The following FBRSL1 variants were observed in gnomAD, a reference collection of about 807,000 sequenced individuals.
The protein encoded by FBRSL1 is fibrosin-1-like protein.
Under a neutral mutation model 89.6 loss-of-function variants are expected in FBRSL1, and 51 were observed. That is an observed-to-expected ratio of 0.57 (90% CI 0.45 to 0.72). The LOEUF is 0.72. FBRSL1 is among the 30% of genes least tolerant of loss of function. The pLI, the probability that FBRSL1 is intolerant of heterozygous loss-of-function variation, is 0.00. For synonymous variants in FBRSL1, 779 were observed against 681.1 expected (o/e 1.14, Z -2.24); for missense variants, 1,618 against 1,451.8 (o/e 1.11, Z -1.86).
chr12:132,535,200 C>T (rs570034146), intron 4 of FBRSL1, among the ~76,000 whole-genome samples: 10 of 152,374 alleles, frequency 6.6e-5, no homozygotes, highest in South Asian at 4.1e-4. Context: ...AGGCAGTTAG[C>T]ACTTTGAGCC....
chr12:132,581,300 C>T, intron 15 of FBRSL1, 139 bp from the exon 16 acceptor site: 1 of 1,518,860 alleles, frequency 6.6e-7, no homozygotes, highest in Admixed American at 2.2e-5. Flanking sequence ...ACTGGACACG[C>T]TTCACCCCTC....
chr12:132,576,850 T>C lies in FBRSL1; in HGVS notation c.1753T>C (p.Phe585Leu). The C allele has an allele frequency of 1.9e-6, 3 of 1,551,046 alleles. No homozygotes were observed. The highest frequency in any genetic ancestry group is 1.7e-6 in the Non-Finnish European group (2 of 1,146,922). Residue 585 changes from phenylalanine (F) to leucine (L), a missense_variant, in exon 15 of 19, where the codon TTC (phenylalanine) becomes CTC (leucine). Transcript: ENST00000680143. ...KLEVGAKLDL[F>L]GRPPAPGVFA... ...GGAGGTGGGTGCAAAGCTGGACCTG[T>C]TCGGCAGACCCCCTGCCCCGGGCGT...
intron 3 of FBRSL1, 91 bp from the exon 4 acceptor site, chr12:132,527,862 G>A: frequency 8.0e-7 from 1 of 1,253,630 alleles, no homozygotes; most frequent in Non-Finnish European, 1.1e-6. Context: ...CAGGGCTAAG[G>A]GCTGAGGGCT....
chr12:132,564,845 G>A (rs1438959922), intron 5 of FBRSL1, among the ~76,000 whole-genome samples: 5 of 151,558 alleles, frequency 3.3e-5, no homozygotes, highest in Admixed American at 6.6e-5. Flanking sequence ...TGGCCAGGAT[G>A]GTCTCGATCT....
At chr12:132,541,125 C>T (rs538793966) in intron 4 of FBRSL1, among the ~76,000 whole-genome samples, 136 of 148,638 alleles carry the variant, frequency 9.1e-4, no homozygotes, top group Middle Eastern at 3.7e-3. Context: ...ATCCCTACCC[C>T]GAGGCATGTC....
intron 4 of FBRSL1, among the ~76,000 whole-genome samples, chr12:132,539,344 C>G (rs2037027340): frequency 1.3e-5 from 2 of 151,354 alleles, no homozygotes; most frequent in South Asian, 4.2e-4. Context: ...TGCCCTCCAG[C>G]CCGATGCCCA....
At chr12:132,527,015 G>C (rs1170387784) in intron 3 of FBRSL1, among the ~76,000 whole-genome samples, 1 of 152,162 alleles carries the variant, frequency 6.6e-6, no homozygotes, top group Non-Finnish European at 1.5e-5. Flanking sequence ...CCCCACCAGA[G>C]GTGTGGGGGG....
At chr12:132,513,513 C>A (rs1299927615) in intron 2 of FBRSL1, among the ~76,000 whole-genome samples, 1 of 152,186 alleles carries the variant, frequency 6.6e-6, no homozygotes, top group Non-Finnish European at 1.5e-5. Flanking sequence ...GAGACTGGGG[C>A]CTGCGTGCAG....
intron 2 of FBRSL1, among the ~76,000 whole-genome samples, chr12:132,517,830 C>T (rs1011437663): frequency 2.0e-5 from 3 of 152,048 alleles, no homozygotes; most frequent in Non-Finnish European, 4.4e-5. Context: ...GGAGGCAGCA[C>T]GGTTGTGGGG....
chr12:132,524,892 G>A (rs2035659020), intron 2 of FBRSL1, among the ~76,000 whole-genome samples: 1 of 152,186 alleles, frequency 6.6e-6, no homozygotes, highest in Non-Finnish European at 1.5e-5. Context: ...TCCCTGCATG[G>A]TCACTTAACC....
intron 5 of FBRSL1, chr12:132,565,532 T>TATACGTACCCGACCCGAGTGTGCTCAC (rs1248376334): frequency 1.3e-5 from 2 of 151,514 alleles, no homozygotes; most frequent in South Asian, 4.2e-4. Context: ...AGTGTGCTCA[T>TATACGTACCCGACCCGAGTGTGCTCAC]GTACACGTAC....
chr12:132,509,455 C>G (rs1041613446), intron 2 of FBRSL1: 1 of 1,239,648 alleles, frequency 8.1e-7, no homozygotes, highest in Non-Finnish European at 1.0e-6. Context: ...CTCCTTCCAT[C>G]CCCAGATCAG....
At chr12:132,556,069 C>G (rs898301893) in intron 5 of FBRSL1, among the ~76,000 whole-genome samples, 1 of 152,218 alleles carries the variant, frequency 6.6e-6, no homozygotes, top group Non-Finnish European at 1.5e-5. Context: ...GCCTTCTGCA[C>G]TTTCCCTGGG....
Position 132,572,356 on chromosome 12 carries a change from C to T in FBRSL1, c.1434+12C>T, listed in dbSNP as rs768883160. On this transcript the variant is annotated intron_variant, in intron 10 of 18. Coordinates refer to ENST00000680143, the MANE Select transcript of FBRSL1 (RefSeq NM_001367871.1). ...ATTCCAGCGTGAGTGTGAGTGTCCC[C>T]GAGGGGCCCGGCGCGTGTCGCTGTG... The T allele has an allele frequency of 1.1e-5, 17 of 1,550,680 alleles. No homozygotes were observed. The highest frequency in any genetic ancestry group is 7.8e-5 in the Admixed American group (4 of 50,958).
intron 5 of FBRSL1, chr12:132,566,072 G>A (rs943711694): frequency 2.0e-5 from 3 of 152,152 alleles, no homozygotes; most frequent in Non-Finnish European, 4.4e-5. Context: ...TCAAGTCTTA[G>A]TCCGTGCGGG....
chr12:132,570,319 GC>G lies in FBRSL1; in HGVS notation c.1008-12del, dbSNP rs1245116949. 4 of 1,526,682 alleles carry G rather than the reference GC, an allele frequency of 2.6e-6. No individual in the cohort carries two copies. The Admixed American group carries it at 7.9e-5, about 30-fold the overall frequency. 94.6% of individuals were successfully genotyped at this position (1,526,682 alleles called of 1,614,324 possible). On this transcript the variant is annotated splice_polypyrimidine_tract_variant and intron_variant, in intron 7 of 18. Coordinates refer to ENST00000680143, the MANE Select transcript of FBRSL1 (RefSeq NM_001367871.1). ...CAGGGGTCGGGCTGGCAGGCACTGA[GC>G]CCCGTGTCCCGCAGCAGGAGCAGCA...
chr12:132,494,632 T>C (rs532413910), intron 1 of FBRSL1, among the ~76,000 whole-genome samples: 1 of 152,390 alleles, frequency 6.6e-6, no homozygotes, highest in Non-Finnish European at 1.5e-5. Flanking sequence ...CATTCTGGTT[T>C]GGTGTCTGTG....
In FBRSL1 at chr12:132,499,561, G is replaced by T. The variant is rs562620633; in HGVS notation, c.292-8592G>T. On this transcript the variant is annotated intron_variant, in intron 1 of 18. Coordinates refer to ENST00000680143, the MANE Select transcript of FBRSL1 (RefSeq NM_001367871.1). The surrounding 1 kb of genome is among the most constrained non-coding windows in gnomAD (Gnocchi z 4.3). ...AGGAGTCACAGAGGAGGCCACGAGGGCTTCTGGGGAAGAGTGCAGGCTGTG... is the reference window on the plus strand; with the variant it reads ...AGGAGTCACAGAGGAGGCCACGAGGTCTTCTGGGGAAGAGTGCAGGCTGTG... Among the ~76,000 whole-genome samples, 5 of 152,228 alleles carry T rather than the reference G, an allele frequency of 3.3e-5. No individual in the cohort carries two copies. Among genetic ancestry groups the T allele is most frequent in the African/African-American group, 4.8e-5 (2 of 41,452 alleles).
At chr12:132,532,194 G>A (rs1023443459) in intron 4 of FBRSL1, among the ~76,000 whole-genome samples, 2 of 152,152 alleles carry the variant, frequency 1.3e-5, no homozygotes, top group African/African-American at 4.8e-5. Context: ...CAGGGTGGTG[G>A]TGGCAGCCCA....
Sources: allele counts gnomAD v4.1 joint callset (sites outside exome capture counted in the v4.1 genomes callset), GRCh38; gene constraint gnomAD v4.1.1; non-coding constraint Gnocchi (gnomAD v3.1); transcripts MANE v1.5; gene names NCBI Gene and HGNC (gene_info 2026-07-23, HGNC 2026-07-21).